Variants in PTH1R observed in about 807,000 individuals in gnomAD.
PTH1R encodes parathyroid hormone 1 receptor.
PTH1R carries 32 observed loss-of-function variants against 70.7 expected under a neutral mutation model. That is an observed-to-expected ratio of 0.45 (90% CI 0.34 to 0.61). PTH1R has a LOEUF of 0.61. Among genes scored for constraint, PTH1R ranks in the 20% least tolerant of loss-of-function variants. The pLI is 0.01. For missense variants in PTH1R, 626 were observed against 792.5 expected, an observed-to-expected ratio of 0.79 and a Z score of 2.52; for synonymous variants, 329 against 324.8, an observed-to-expected ratio of 1.01 and a Z score of -0.14.
At position 46,901,123 on chromosome 3, in the gene PTH1R, C is replaced by T. The variant is rs778769720; in HGVS notation, c.1049+38C>T. On this transcript the variant is annotated intron_variant, in intron 11 of 15. Transcript: ENST00000449590. The surrounding 1 kb of genome is among the most constrained non-coding windows in gnomAD (Gnocchi z 7.3). The stretch of plus-strand genomic sequence containing the variant: ...GGAGAAGGGGCCCAGGCAAGAAGCA[C>T]CCCTGGGTCCCTTTTCTTCCAGGAA... 1.0e-5 allele frequency: 16 copies of T among 1,553,418 alleles called. No individual in the cohort carries two copies. In the African/African-American group the frequency reaches 1.1e-4, roughly 11 times the overall value.
At chr3:46,878,869 G>C (rs1166316537) in intron 1 of PTH1R, among the ~76,000 whole-genome samples, 1 of 152,148 alleles carries the variant, frequency 6.6e-6, no homozygotes, top group Non-Finnish European at 1.5e-5. Context: ...CTAGGCCCCA[G>C]CCTGGGGATT....
chr3:46,894,040 G>C (rs946863588), intron 4 of PTH1R, 31 bp downstream of exon 4: 6 of 1,603,146 alleles, frequency 3.7e-6, no homozygotes, highest in Non-Finnish European at 5.1e-6. Flanking sequence ...GTCTGGGGAT[G>C]AGGTCAGGTG....
rs1025059412 is a variant in PTH1R, at chr3:46,892,734, G to A, written c.76-1173G>A. 34 of 985,614 alleles carry A rather than the reference G, an allele frequency of 3.4e-5. No individual in the cohort carries two copies. In the African/African-American group the frequency reaches 5.6e-4, roughly 16 times the overall value. The allele number at this position is 985,614 out of a possible 1,614,324, so 61.1% of individuals were successfully genotyped here. A position where few individuals can be genotyped will look rare whatever the true frequency, so the allele number is the denominator to read the frequency against. On this transcript the variant is annotated intron_variant, in intron 3 of 15. Coordinates refer to ENST00000449590, the MANE Select transcript of PTH1R (RefSeq NM_000316.3). The surrounding 1 kb of genome is among the most constrained non-coding windows in gnomAD (Gnocchi z 5.2). Reference sequence around the variant, plus strand: ...CCTCCCGCCCTTCACAGCCATGCTCGGACTGCAGGGCCCCGGCCCCGCCTT... The same window carrying A: ...CCTCCCGCCCTTCACAGCCATGCTCAGACTGCAGGGCCCCGGCCCCGCCTT...
chr3:46,887,849 T>C (rs2031135851), intron 3 of PTH1R, among the ~76,000 whole-genome samples: 1 of 152,326 alleles, frequency 6.6e-6, no homozygotes, highest in South Asian at 2.1e-4. Context: ...TACATTTAGA[T>C]CATTTCTGCA....
rs115351805 is a variant in PTH1R at position 46,892,498 on chromosome 3, C to T, written c.76-1409C>T. Among the ~76,000 whole-genome samples, 167 of 152,304 alleles carry T rather than the reference C, an allele frequency of 1.1e-3. No individual in the cohort carries two copies. Among genetic ancestry groups the T allele is most frequent in the African/African-American group, 3.7e-3 (152 of 41,558 alleles). On this transcript the variant is annotated intron_variant, in intron 3 of 15. Coordinates refer to ENST00000449590, the MANE Select transcript of PTH1R (RefSeq NM_000316.3). The surrounding 1 kb of genome is among the most constrained non-coding windows in gnomAD (Gnocchi z 5.2). Reference sequence around the variant, plus strand: ...GCGCGCGCACGCACAGGGACGCGCACGCGGCTCCGCTAAGTGGAACCAGCA... The same window carrying T: ...GCGCGCGCACGCACAGGGACGCGCATGCGGCTCCGCTAAGTGGAACCAGCA...
chr3:46,901,568 G>T lies in PTH1R; in HGVS notation c.1116+88G>T. ...CCAGCCCCTGACAGGGACCTAGGAG[G>T]CTTCCCTGGACCCCAGTGTCAGAGC... On this transcript the variant is annotated intron_variant, in intron 12 of 15. Transcript: ENST00000449590. The surrounding 1 kb of genome is among the most constrained non-coding windows in gnomAD (Gnocchi z 7.3). 6.8e-7 allele frequency: 1 copy of T among 1,476,902 alleles called. No homozygotes were observed. The highest frequency in any genetic ancestry group is 1.2e-5 in the South Asian group (1 of 81,822). 91.5% of individuals were successfully genotyped at this position (1,476,902 alleles called of 1,614,324 possible).
At position 46,894,735 on chromosome 3, in the gene PTH1R, T is replaced by C. The variant is rs75867505; in HGVS notation, c.178+726T>C. 5.3e-3 allele frequency among the ~76,000 whole-genome samples: 806 copies of C among 152,164 alleles called. 10 individuals carry two copies. Among genetic ancestry groups the C allele is most frequent in the African/African-American group, 0.019 (782 of 41,500 alleles). On this transcript the variant is annotated intron_variant, in intron 4 of 15. Transcript: ENST00000449590. ...TCATTCTCATCCCAGTCCAGGCTGC[T>C]TGGACTCAGCTTCCCATCATTGCCA... is the stretch of plus-strand genomic sequence containing the variant.
intron 5 of PTH1R, among the ~76,000 whole-genome samples, chr3:46,897,031 G>A (rs1258134988): frequency 1.3e-5 from 2 of 152,174 alleles, no homozygotes; most frequent in African/African-American, 4.8e-5. Context: ...GCAGCTCCTT[G>A]GAGTCCAGCT....
At chr3:46,895,548 G>A (rs890821519) in intron 4 of PTH1R, 187 bp from the exon 5 acceptor site, 27 of 295,428 alleles carry the variant, frequency 9.1e-5, no homozygotes, top group African/African-American at 1.1e-4. Context: ...TACTTCACCT[G>A]GCAAGCACTT....
At position 46,883,644 on chromosome 3, in the gene PTH1R, C is replaced by A; in HGVS notation, c.75+10C>A. On this transcript the variant is annotated intron_variant, in intron 3 of 15. Transcript: ENST00000449590. The surrounding 1 kb of genome is among the most constrained non-coding windows in gnomAD (Gnocchi z 6.4). ...CTCCGCGTACGCGCTGGTGAGTCCC[C>A]CGCCGCCAACACTCCGGGACAGGCT... The A allele has an allele frequency of 6.5e-7, 1 of 1,545,812 alleles. No individual in the cohort carries two copies. The highest frequency in any genetic ancestry group is 8.7e-7 in the Non-Finnish European group (1 of 1,146,764).
rs1345258655 is a variant in PTH1R at position 46,902,662 on chromosome 3, T to C, written c.1348T>C (p.Phe450Leu). ...GCACTATGAGATGCTCTTCAACTCC[T>C]TCCAGGTGCGCAGTGCTGGCCCGGG... ...QMHYEMLFNS[F>L]QGFFVAIIYC... The change falls in exon 14 of 16, where the codon TTC becomes CTC. Residue 450 changes from phenylalanine (F) to leucine (L), a missense_variant. Transcript: ENST00000449590. This position sits in a 1 kb window ranked among gnomAD's most constrained non-coding sequence, Gnocchi z 5.4. 5 of 1,614,020 alleles carry C rather than the reference T, an allele frequency of 3.1e-6. No homozygotes were observed. Among genetic ancestry groups the C allele is most frequent in the Admixed American group, 1.7e-5 (1 of 60,008 alleles).
At position 46,903,766 on chromosome 3, in the gene PTH1R, A is replaced by G. The variant is rs1275995024; in HGVS notation, c.*110A>G. 1.3e-6 allele frequency: 2 copies of G among 1,505,344 alleles called. No individual in the cohort carries two copies. The highest frequency in any genetic ancestry group is 2.3e-5 in the East Asian group (1 of 43,944). 93.2% of individuals were successfully genotyped at this position (1,505,344 alleles called of 1,614,324 possible). Reference sequence around the variant, plus strand: ...GCTGGGGCCAAGAGGAAAAACAGGGAAAAAAAGAAAAAAAAAAGAAAAAGG... The same window carrying G: ...GCTGGGGCCAAGAGGAAAAACAGGGGAAAAAAGAAAAAAAAAAGAAAAAGG... On this transcript the variant is annotated 3_prime_UTR_variant, in exon 16 of 16. Transcript: ENST00000449590. The surrounding 1 kb of genome is among the most constrained non-coding windows in gnomAD (Gnocchi z 4.4).
At position 46,893,391 on chromosome 3, in the gene PTH1R, G is replaced by A. The variant is rs1559532303; in HGVS notation, c.76-516G>A. The stretch of plus-strand genomic sequence containing the variant: ...ATTGAGGCACTCACCGTTCACTGGG[G>A]ACAGCATTGACTGGGGAGCTGGGCC... On this transcript the variant is annotated intron_variant, in intron 3 of 15. Coordinates refer to ENST00000449590, the MANE Select transcript of PTH1R (RefSeq NM_000316.3). This position sits in a 1 kb window ranked among gnomAD's most constrained non-coding sequence, Gnocchi z 5.2. 6.6e-6 allele frequency among the ~76,000 whole-genome samples: 1 copy of A among 152,114 alleles called. No homozygotes were observed. The highest frequency in any genetic ancestry group is 1.5e-5 in the Non-Finnish European group (1 of 68,016).
chr3:46,879,383 C>G lies in PTH1R; in HGVS notation c.-106+1540C>G, dbSNP rs1202871872. ...CCCTCCATTAATGTTCTTTTCTCAT[C>G]ACCAAGGGGGAAAGCAGGGTGGAAG... On this transcript the variant is annotated intron_variant, in intron 1 of 15. Coordinates refer to ENST00000449590, the MANE Select transcript of PTH1R (RefSeq NM_000316.3). This position sits in a 1 kb window ranked among gnomAD's most constrained non-coding sequence, Gnocchi z 4.7. Among the ~76,000 whole-genome samples the G allele has an allele frequency of 6.6e-6, 1 of 152,208 alleles. No homozygotes were observed. The highest frequency in any genetic ancestry group is 1.5e-5 in the Non-Finnish European group (1 of 68,032).
rs1372961673 is a variant in PTH1R, at chr3:46,895,880, G to A, written c.313+11G>A. 1.2e-6 allele frequency: 2 copies of A among 1,611,682 alleles called. No homozygotes were observed. The highest frequency in any genetic ancestry group is 1.7e-6 in the Non-Finnish European group (2 of 1,179,622). On this transcript the variant is annotated intron_variant, in intron 5 of 15. Coordinates refer to ENST00000449590, the MANE Select transcript of PTH1R (RefSeq NM_000316.3). ...GCAGCAGGTACCGAGGTACGTCTCT[G>A]CTTCCATGCATCCAGCTGGCATGGG...
rs1318309511 is a variant in PTH1R at position 46,902,484 on chromosome 3, G to A, written c.1212-42G>A. 6.2e-7 allele frequency: 1 copy of A among 1,604,378 alleles called. No individual in the cohort carries two copies. On this transcript the variant is annotated intron_variant, in intron 13 of 15. Coordinates refer to ENST00000449590, the MANE Select transcript of PTH1R (RefSeq NM_000316.3). This position sits in a 1 kb window ranked among gnomAD's most constrained non-coding sequence, Gnocchi z 5.4. ...GGGGGTGGCACAATGCTTGTTGAAG[G>A]GGAAGTGGCTTGGCCCTGACCTACC...
At chr3:46,894,155 G>T in intron 4 of PTH1R, 146 bp downstream of exon 4, 1 of 765,682 alleles carries the variant, frequency 1.3e-6, no homozygotes, top group South Asian at 1.7e-5. Flanking sequence ...GAGAACCAAA[G>T]TGGGGTGCGT....
chr3:46,902,801 G>A lies in PTH1R; in HGVS notation c.1395+11G>A, dbSNP rs1202180074. ...TTCTGCAATGGCGAGGTAAGCAGGA[G>A]ACAGTGTTGGCATAGGGCAGGGTGG... On this transcript the variant is annotated intron_variant, in intron 15 of 15. Coordinates refer to ENST00000449590, the MANE Select transcript of PTH1R (RefSeq NM_000316.3). The surrounding 1 kb of genome is among the most constrained non-coding windows in gnomAD (Gnocchi z 5.4). 2 of 1,613,612 alleles carry A rather than the reference G, an allele frequency of 1.2e-6. No homozygotes were observed. The highest frequency in any genetic ancestry group is 1.7e-6 in the Non-Finnish European group (2 of 1,179,996).
At position 46,899,366 on chromosome 3, in the gene PTH1R, C is replaced by G; in HGVS notation, c.898C>G (p.Leu300Val). 1 of 1,614,054 alleles carries G rather than the reference C, an allele frequency of 6.2e-7. No individual in the cohort carries two copies. The highest frequency in any genetic ancestry group is 8.5e-7 in the Non-Finnish European group (1 of 1,180,022). ...YFLATNYYWI[L>V]VEGLYLHSLI... ...CCTGGCCACCAACTACTACTGGATT[C>G]TGGTGGAGGGGCTGTACCTGCACAG... Residue 300 changes from leucine to valine, a missense_variant, in exon 10 of 16, where the codon CTG becomes GTG. Coordinates refer to ENST00000449590, the MANE Select transcript of PTH1R (RefSeq NM_000316.3).
Sources: allele counts gnomAD v4.1 joint callset (sites outside exome capture counted in the v4.1 genomes callset), GRCh38; gene constraint gnomAD v4.1.1; non-coding constraint Gnocchi (gnomAD v3.1); transcripts MANE v1.5; gene names NCBI Gene and HGNC (gene_info 2026-07-23, HGNC 2026-07-21).